The following TTC27 variants were observed in gnomAD, a reference collection of about 807,000 sequenced individuals.
TTC27 encodes the protein tetratricopeptide repeat domain 27.
In TTC27, 79 loss-of-function variants were observed where a neutral mutation model predicts 115.9. The observed-to-expected ratio is 0.68, with a 90% CI of 0.57 to 0.82. TTC27 has a LOEUF of 0.82. TTC27 is among the 40% of genes least tolerant of loss of function. The pLI is 0.00. For missense variants in TTC27, 1,054 were observed against 993.1 expected, an observed-to-expected ratio of 1.06 and a Z score of -0.82; for synonymous variants, 401 against 356.0, an observed-to-expected ratio of 1.13 and a Z score of -1.42.
intron 10 of TTC27, among the ~76,000 whole-genome samples, chr2:32,710,941 C>A (rs1366984154): frequency 6.6e-6 from 1 of 150,450 alleles, no homozygotes; most frequent in East Asian, 2.0e-4. Context: ...TGGTGAGACC[C>A]CCATCTCTAC....
intron 12 of TTC27, 108 bp from the exon 13 acceptor site, chr2:32,758,184 G>A (rs531908303): frequency 3.4e-5 from 34 of 988,082 alleles, no homozygotes; most frequent in Admixed American, 1.6e-4. Flanking sequence ...AATCTCAAAC[G>A]TTGAAAATAA....
chr2:32,702,040 A>AAAAAC (rs1667205198), intron 9 of TTC27, among the ~76,000 whole-genome samples: 3 of 151,826 alleles, frequency 2.0e-5, no homozygotes, highest in African/African-American at 7.3e-5. Flanking sequence ...AACAAAAAAA[A>AAAAAC]CCAGCTACCA....
intron 10 of TTC27, among the ~76,000 whole-genome samples, chr2:32,714,076 T>C (rs539128143): frequency 1.8e-4 from 28 of 152,234 alleles, no homozygotes; most frequent in African/African-American, 6.0e-4. Context: ...GGCTCCATCT[T>C]TGTTGCTGCA....
intron 13 of TTC27, among the ~76,000 whole-genome samples, chr2:32,761,780 A>G (rs1166629064): frequency 2.0e-5 from 3 of 152,106 alleles, no homozygotes; most frequent in Admixed American, 2.0e-4. Flanking sequence ...TTTCCGTAGC[A>G]CTTATGTATA....
chr2:32,805,770 T>C (rs1671111375), intron 16 of TTC27, among the ~76,000 whole-genome samples: 1 of 152,218 alleles, frequency 6.6e-6, no homozygotes, highest in South Asian at 2.1e-4. Context: ...TTTATATGTT[T>C]ATATTGCTTC....
rs757184099 is a variant in TTC27, at chr2:32,672,278, G to A, written c.946G>A (p.Glu316Lys). 6.2e-7 allele frequency: 1 copy of A among 1,611,756 alleles called. No homozygotes were observed. The highest frequency in any genetic ancestry group is 1.3e-5 in the African/African-American group (1 of 74,938). The change falls in exon 8 of 20, where the codon GAG (glutamate) becomes AAG (lysine). Residue 316 changes from glutamate (E) to lysine (K), a missense_variant. Physicochemically the swap from Glu to Lys is moderately conservative, Grantham distance 56. Transcript: ENST00000317907. ...TPQEHLTKNL[E>K]LNDDTILNDI... ...TTCTTTTGTATTCTACTAGAATCTT[G>A]AGCTCAATGATGACACCATTCTGAA...
chr2:32,783,903 G>A (rs981470140), intron 15 of TTC27, among the ~76,000 whole-genome samples: 3 of 152,118 alleles, frequency 2.0e-5, no homozygotes, highest in African/African-American at 4.8e-5. Flanking sequence ...TTTTCTTGGT[G>A]GAATCACAAG....
At chr2:32,706,789 C>G (rs773941855) in intron 10 of TTC27, among the ~76,000 whole-genome samples, 1 of 152,138 alleles carries the variant, frequency 6.6e-6, no homozygotes, top group Non-Finnish European at 1.5e-5. Flanking sequence ...GTCTTGAACT[C>G]CTGACCTCAG....
intron 9 of TTC27, among the ~76,000 whole-genome samples, chr2:32,681,209 T>C (rs1009642594): frequency 2.0e-5 from 3 of 152,204 alleles, no homozygotes; most frequent in African/African-American, 4.8e-5. Context: ...AAATCTTTAA[T>C]TGGAGAAGTA....
chr2:32,801,368 C>T (rs927514120), intron 16 of TTC27, among the ~76,000 whole-genome samples: 5 of 152,126 alleles, frequency 3.3e-5, no homozygotes, highest in African/African-American at 1.2e-4. Flanking sequence ...GCACCTTTTC[C>T]AGCTTCTTGT....
intron 13 of TTC27, among the ~76,000 whole-genome samples, chr2:32,762,417 G>T (rs921525168): frequency 1.3e-5 from 2 of 151,862 alleles, no homozygotes; most frequent in Non-Finnish European, 2.9e-5. Flanking sequence ...CTGGAGCCAG[G>T]CTGTGAAACG....
chr2:32,694,803 G>C (rs1196909980), intron 9 of TTC27, among the ~76,000 whole-genome samples: 1 of 151,120 alleles, frequency 6.6e-6, no homozygotes, highest in Admixed American at 6.6e-5. Flanking sequence ...CTGTCACGTA[G>C]CTGGTACCAG....
chr2:32,763,260 A>G (rs1293968366), intron 13 of TTC27, among the ~76,000 whole-genome samples: 1 of 152,224 alleles, frequency 6.6e-6, no homozygotes, highest in African/African-American at 2.4e-5. Context: ...TGAACACTGT[A>G]GACTCATTTT....
chr2:32,816,015 C>A (rs1021748175), intron 18 of TTC27, among the ~76,000 whole-genome samples: 1 of 152,102 alleles, frequency 6.6e-6, no homozygotes, highest in African/African-American at 2.4e-5. Context: ...TTAGTCTTTG[C>A]GTGCAAAAAG....
intron 9 of TTC27, among the ~76,000 whole-genome samples, chr2:32,693,311 A>C (rs1458528749): frequency 6.6e-6 from 1 of 152,196 alleles, no homozygotes; most frequent in African/African-American, 2.4e-5. Flanking sequence ...AGTGCTCATC[A>C]AATTGGGGTC....
At chr2:32,719,907 G>A (rs1213969266) in intron 10 of TTC27, among the ~76,000 whole-genome samples, 1 of 152,136 alleles carries the variant, frequency 6.6e-6, no homozygotes, top group African/African-American at 2.4e-5. Flanking sequence ...GATCATGAGG[G>A]TAAGTCTCCC....
At chr2:32,711,801 G>A (rs189442312) in intron 10 of TTC27, among the ~76,000 whole-genome samples, 10 of 152,172 alleles carry the variant, frequency 6.6e-5, no homozygotes, top group South Asian at 4.2e-4. Flanking sequence ...TTAACTGGGC[G>A]TGGTGGCAGG....
At chr2:32,737,580 C>T (rs1668489333) in intron 12 of TTC27, among the ~76,000 whole-genome samples, 1 of 152,126 alleles carries the variant, frequency 6.6e-6, no homozygotes, top group Non-Finnish European at 1.5e-5. Context: ...TCTTAAATAC[C>T]TTCCTAAGTA....
At chr2:32,777,700 T>A (rs1670043250) in intron 13 of TTC27, among the ~76,000 whole-genome samples, 182 bp from the exon 14 acceptor site, 1 of 152,252 alleles carries the variant, frequency 6.6e-6, no homozygotes, top group Non-Finnish European at 1.5e-5. Context: ...GAAAATTATA[T>A]GGAAAAATTT....
Sources: allele counts gnomAD v4.1 joint callset (sites outside exome capture counted in the v4.1 genomes callset), GRCh38; gene constraint gnomAD v4.1.1; transcripts MANE v1.5; gene names NCBI Gene and HGNC (gene_info 2026-07-23, HGNC 2026-07-21).